Variants in CALN1 observed in about 807,000 individuals in gnomAD.
CALN1 encodes the protein calcium-binding protein 8.
A neutral mutation model predicts 30.6 loss-of-function variants in CALN1; 17 were observed. The observed-to-expected ratio is 0.56, with a 90% CI of 0.38 to 0.83. CALN1 has a LOEUF of 0.83. CALN1 is among the 40% of genes least tolerant of loss of function. The pLI is 0.00. For missense variants in CALN1, 291 were observed against 354.9 expected, an observed-to-expected ratio of 0.82 and a Z score of 1.45; for synonymous variants, 156 against 131.4, an observed-to-expected ratio of 1.19 and a Z score of -1.28.
At chr7:72,446,609 G>A (rs973996687) in intron 1 of CALN1, among the ~76,000 whole-genome samples, 2 of 152,180 alleles carry the variant, frequency 1.3e-5, no homozygotes, top group African/African-American at 4.8e-5. Context: ...TAACGTAGGA[G>A]TGCAGCCACA....
chr7:72,201,271 A>T (rs1354204431), intron 3 of CALN1, among the ~76,000 whole-genome samples: 2 of 152,166 alleles, frequency 1.3e-5, no homozygotes, highest in African/African-American at 4.8e-5. Flanking sequence ...ACTGGAGACT[A>T]CTGGAGGGGT....
At chr7:71,959,422 C>T (rs1383843165) in intron 5 of CALN1, among the ~76,000 whole-genome samples, 1 of 152,082 alleles carries the variant, frequency 6.6e-6, no homozygotes, top group Non-Finnish European at 1.5e-5. Flanking sequence ...GGGTGAGAGG[C>T]AAGTCCTTTT....
intron 3 of CALN1, among the ~76,000 whole-genome samples, chr7:72,235,067 G>A (rs1794384867): frequency 6.6e-6 from 1 of 152,056 alleles, no homozygotes; most frequent in Non-Finnish European, 1.5e-5. Context: ...AAGTTCAGAA[G>A]TTTGAGACCA....
At chr7:72,475,414 G>C in the CALN1 span, among the ~76,000 whole-genome samples, 5 of 152,194 alleles carry the variant, frequency 3.3e-5, no homozygotes, top group East Asian at 9.7e-4. Flanking sequence ...AGCCGAGATC[G>C]CGCCACTGCA....
At chr7:72,156,821 A>T (rs986433117) in intron 3 of CALN1, among the ~76,000 whole-genome samples, 2 of 152,230 alleles carry the variant, frequency 1.3e-5, no homozygotes, top group South Asian at 2.1e-4. Context: ...CTGCTTCAGG[A>T]TGATGGGGCT....
At chr7:72,321,333 C>G (rs1399681133) in intron 2 of CALN1, among the ~76,000 whole-genome samples, 1 of 152,190 alleles carries the variant, frequency 6.6e-6, no homozygotes, top group Non-Finnish European at 1.5e-5. Context: ...CAACGAAATA[C>G]AACTTATTAG....
At chr7:71,856,487 TG>T (rs758093426) in intron 5 of CALN1, among the ~76,000 whole-genome samples, 5 of 152,122 alleles carry the variant, frequency 3.3e-5, no homozygotes, top group Non-Finnish European at 5.9e-5. Context: ...GAGTCAAAGA[TG>T]TTTTTAGAAT....
In CALN1 at chr7:72,230,254, T is replaced by A. The variant is rs576963265; in HGVS notation, c.244+48432A>T. On this transcript the variant is annotated intron_variant, in intron 3 of 6. Transcript: ENST00000395275. ...CAAACCTGCACGTTCTGCACATGTATCCCAGAACTTAAAGTAAAATTTTAA... is the reference window on the plus strand; with the variant it reads ...CAAACCTGCACGTTCTGCACATGTAACCCAGAACTTAAAGTAAAATTTTAA... Among the ~76,000 whole-genome samples the A allele has an allele frequency of 1.4e-4, 21 of 151,022 alleles. 1 individual carries two copies. In the South Asian group the frequency reaches 3.1e-3, roughly 23 times the overall value.
At chr7:72,113,850 T>A (rs1327574172) in intron 3 of CALN1, among the ~76,000 whole-genome samples, 2 of 152,086 alleles carry the variant, frequency 1.3e-5, no homozygotes, top group African/African-American at 2.4e-5. Context: ...AATATATATT[T>A]TTTAAGGGTG....
chr7:71,851,863 AG>A (rs890969738), intron 5 of CALN1, among the ~76,000 whole-genome samples: 5 of 152,296 alleles, frequency 3.3e-5, no homozygotes, highest in South Asian at 2.1e-4. Context: ...AAAACTCCAG[AG>A]GGCAGACATT....
chr7:71,928,089 G>T (rs185986518), intron 5 of CALN1, among the ~76,000 whole-genome samples: 6 of 152,274 alleles, frequency 3.9e-5, no homozygotes, highest in Admixed American at 3.9e-4. Context: ...CCACAGAAGT[G>T]ACACTCATCT....
chr7:71,881,497 T>C (rs374246845), intron 5 of CALN1, among the ~76,000 whole-genome samples: 98 of 152,318 alleles, frequency 6.4e-4, no homozygotes, highest in African/African-American at 2.3e-3. Context: ...TCTCTCTAAC[T>C]GGTCTCCATT....
chr7:72,264,773 G>A (rs34108648), intron 3 of CALN1, among the ~76,000 whole-genome samples: 17,484 of 152,002 alleles, frequency 0.12, 1,477 homozygotes, highest in East Asian at 0.43. Flanking sequence ...GGGTTATTTC[G>A]TCACCCAGGT....
At chr7:72,397,069 C>A (rs997317080) in intron 2 of CALN1, among the ~76,000 whole-genome samples, 1 of 151,960 alleles carries the variant, frequency 6.6e-6, no homozygotes, top group African/African-American at 2.4e-5. Flanking sequence ...CACCACCGTG[C>A]CTGGTTAATT....
chr7:72,415,236 C>T (rs1807385227), upstream of CALN1, among the ~76,000 whole-genome samples: 1 of 152,268 alleles, frequency 6.6e-6, no homozygotes, highest in Non-Finnish European at 1.5e-5. Context: ...GTACCTAGAT[C>T]TTTCTCCCTG....
chr7:71,903,606 G>C (rs1434486624), intron 5 of CALN1, among the ~76,000 whole-genome samples: 1 of 152,118 alleles, frequency 6.6e-6, no homozygotes, highest in Non-Finnish European at 1.5e-5. Flanking sequence ...TTTACTATAT[G>C]AAAACATAAA....
the CALN1 span, among the ~76,000 whole-genome samples, chr7:72,499,774 TTTCCTTCCTTCCTTCCTTCCTTCCTTCC>T: frequency 8.4e-6 from 1 of 118,668 alleles, no homozygotes; most frequent in African/African-American, 3.4e-5. Flanking sequence ...ACTTTCTTTC[TTTCCTTCCTTCCTTCCTTCCTTCCTTCC>T]TTCCTTCCTT....
intron 5 of CALN1, among the ~76,000 whole-genome samples, chr7:71,869,977 C>T (rs891383450): frequency 6.6e-6 from 1 of 152,148 alleles, no homozygotes; most frequent in Non-Finnish European, 1.5e-5. Flanking sequence ...CAGGTGGGCA[C>T]TGATTAGCAC....
chr7:72,497,439 C>CA, the CALN1 span, among the ~76,000 whole-genome samples: 5 of 151,278 alleles, frequency 3.3e-5, no homozygotes, highest in Middle Eastern at 3.2e-3. Context: ...GACCCCATCT[C>CA]AAAAAAAACA....
Sources: gnomAD v4.1 joint callset for allele counts (sites outside exome capture counted in the v4.1 genomes callset) on GRCh38, gnomAD v4.1.1 for gene constraint, MANE v1.5 for transcripts, NCBI Gene and HGNC (gene_info 2026-07-23, HGNC 2026-07-21) for gene names.